The following DCC variants were observed in gnomAD, a reference collection of about 807,000 sequenced individuals.
DCC encodes DCC netrin 1 receptor.
Under a neutral mutation model 172.5 loss-of-function variants are expected in DCC, and 58 were observed. The ratio of observed to expected loss-of-function variants is 0.34; its 90% confidence interval spans 0.27 to 0.42. The LOEUF (loss-of-function observed/expected upper bound fraction) is 0.42. DCC is among the 10% of genes least tolerant of loss of function. The probability of loss-of-function intolerance (pLI) is 1.00; values close to 1 mark genes in which losing one functional copy is unlikely to be tolerated. For synonymous variants in DCC, 709 were observed against 644.5 expected (o/e 1.10, Z -1.52); for missense variants, 1,740 against 1,791.0 (o/e 0.97, Z 0.51).
intron 1 of DCC, among the ~76,000 whole-genome samples, chr18:52,528,970 A>G (rs981602373): frequency 6.6e-6 from 1 of 152,120 alleles, no homozygotes; most frequent in African/African-American, 2.4e-5. Flanking sequence ...TACAAATGAC[A>G]AACTGTATGA....
chr18:53,194,938 T>C (rs1343519280), intron 9 of DCC, among the ~76,000 whole-genome samples: 3 of 152,236 alleles, frequency 2.0e-5, no homozygotes. Flanking sequence ...AATTGTCTAA[T>C]GAGGTAACCA....
At chr18:52,791,213 A>G (rs2037761019) in intron 2 of DCC, among the ~76,000 whole-genome samples, 2 of 152,172 alleles carry the variant, frequency 1.3e-5, no homozygotes, top group East Asian at 1.9e-4. Flanking sequence ...AGCCGGGCTG[A>G]TTTTGCAATG....
intron 7 of DCC, among the ~76,000 whole-genome samples, chr18:53,112,385 A>G (rs1470474168): frequency 6.6e-6 from 1 of 151,556 alleles, no homozygotes; most frequent in African/African-American, 2.4e-5. Flanking sequence ...TATCATGAGA[A>G]AGGTTCTATT....
intron 27 of DCC, among the ~76,000 whole-genome samples, chr18:53,518,117 A>G (rs2046359562): frequency 6.6e-6 from 1 of 152,156 alleles, no homozygotes; most frequent in South Asian, 2.1e-4. Context: ...AAGTATATAT[A>G]AGAATAATAT....
intron 1 of DCC, among the ~76,000 whole-genome samples, chr18:52,479,501 T>C (rs1263182237): frequency 6.6e-6 from 1 of 152,022 alleles, no homozygotes; most frequent in Non-Finnish European, 1.5e-5. Context: ...ACAAAATCTG[T>C]GTACCAGTGT....
At chr18:53,184,190 C>T (rs183608017) in intron 9 of DCC, among the ~76,000 whole-genome samples, 1 of 152,174 alleles carries the variant, frequency 6.6e-6, no homozygotes, top group Admixed American at 6.5e-5. Context: ...CATTTACATA[C>T]TCTGCTACTT....
Position 53,322,102 on chromosome 18 carries a change from T to A in DCC, c.2109T>A (p.Gly703=). 7 of 1,610,024 alleles carry A rather than the reference T, an allele frequency of 4.3e-6. No individual in the cohort carries two copies. The highest frequency in any genetic ancestry group is 6.0e-6 in the Non-Finnish European group (7 of 1,176,222). The change falls in exon 14 of 29, where the codon GGT becomes GGA. Residue 703 remains glycine, a synonymous_variant. Transcript: ENST00000442544. ...AGGTGTCAGCCATGACAGTCAATGG[T>A]ACTGGACCACCTTCCAACTGGTATA... ...SFQVSAMTVN[G]TGPPSNWYTA... is the part of the protein sequence containing the mutation.
Position 52,561,317 on chromosome 18 carries a change from A to AT in DCC, c.92-190737_92-190736insT, listed in dbSNP as rs1396356150. Among the ~76,000 whole-genome samples, 3 of 151,708 alleles carry AT rather than the reference A, an allele frequency of 2.0e-5. No individual in the cohort carries two copies. The East Asian group carries it at 5.8e-4, about 29-fold the overall frequency. Reference sequence around the variant, plus strand: ...GTGTATGTGTATATAGGCAGAGATCAATATGTGTATATATAATAGATATTT... The same window carrying AT: ...GTGTATGTGTATATAGGCAGAGATCATATATGTGTATATATAATAGATATTT... On this transcript the variant is annotated intron_variant, in intron 1 of 28. Coordinates refer to ENST00000442544, the MANE Select transcript of DCC (RefSeq NM_005215.4).
chr18:53,299,907 C>T (rs1456034101), intron 12 of DCC, among the ~76,000 whole-genome samples: 3 of 152,162 alleles, frequency 2.0e-5, no homozygotes, highest in Non-Finnish European at 2.9e-5. Flanking sequence ...CCTTAACTCA[C>T]AGAGTCATAA....
intron 9 of DCC, among the ~76,000 whole-genome samples, chr18:53,202,647 G>A (rs973020425): frequency 1.3e-5 from 2 of 152,136 alleles, no homozygotes; most frequent in African/African-American, 4.8e-5. Flanking sequence ...CTTATTAGTT[G>A]TAAGTGGTAG....
chr18:53,378,163 G>A (rs1000268803), intron 15 of DCC, among the ~76,000 whole-genome samples: 2 of 152,006 alleles, frequency 1.3e-5, no homozygotes, highest in Non-Finnish European at 2.9e-5. Flanking sequence ...GGTTTTGCCT[G>A]TTGGTCGGGC....
intron 2 of DCC, among the ~76,000 whole-genome samples, chr18:52,801,193 A>C (rs1404559664): frequency 6.6e-6 from 1 of 151,966 alleles, no homozygotes. Context: ...ATAGAAGTAC[A>C]CTCTTCCCTA....
intron 1 of DCC, among the ~76,000 whole-genome samples, chr18:52,422,420 A>C (rs907020492): frequency 1.3e-5 from 2 of 152,146 alleles, no homozygotes; most frequent in Non-Finnish European, 2.9e-5. Flanking sequence ...TTATTGGCTT[A>C]AATGTCCAGA....
At chr18:52,580,157 G>A (rs2033510658) in intron 1 of DCC, among the ~76,000 whole-genome samples, 1 of 152,180 alleles carries the variant, frequency 6.6e-6, no homozygotes, top group South Asian at 2.1e-4. Flanking sequence ...CATGTGCCTG[G>A]TCTAAACTTA....
At chr18:52,450,961 T>C (rs916950147) in intron 1 of DCC, among the ~76,000 whole-genome samples, 9 of 152,216 alleles carry the variant, frequency 5.9e-5, no homozygotes, top group Non-Finnish European at 1.0e-4. Context: ...TGAATGTGTT[T>C]ATTTTGGTTT....
intron 15 of DCC, among the ~76,000 whole-genome samples, chr18:53,375,797 G>A (rs1469600362): frequency 1.3e-5 from 2 of 152,036 alleles, no homozygotes; most frequent in South Asian, 2.1e-4. Flanking sequence ...TCATTTCTCT[G>A]ACTCTGAGGG....
At chr18:52,814,173 A>G (rs2038247877) in intron 2 of DCC, among the ~76,000 whole-genome samples, 1 of 152,200 alleles carries the variant, frequency 6.6e-6, no homozygotes, top group Non-Finnish European at 1.5e-5. Flanking sequence ...GTTGCAGTGC[A>G]GGGATCCTGC....
intron 1 of DCC, among the ~76,000 whole-genome samples, chr18:52,388,317 A>G (rs1297209643): frequency 6.6e-6 from 1 of 152,080 alleles, no homozygotes; most frequent in Non-Finnish European, 1.5e-5. Context: ...TAGATGTGCT[A>G]TGTATCTTTC....
chr18:53,224,184 C>T (rs536004471), intron 12 of DCC, among the ~76,000 whole-genome samples: 1 of 152,184 alleles, frequency 6.6e-6, no homozygotes, highest in South Asian at 2.1e-4. Context: ...AATTTGAGGA[C>T]CTCATTTAAA....
Sources: gnomAD v4.1 joint callset for allele counts (sites outside exome capture counted in the v4.1 genomes callset) on GRCh38, gnomAD v4.1.1 for gene constraint, MANE v1.5 for transcripts, NCBI Gene and HGNC (gene_info 2026-07-23, HGNC 2026-07-21) for gene names.